Variants in CENPP observed in about 807,000 individuals in gnomAD.
CENPP encodes the protein centromere protein P.
A neutral mutation model predicts 35.6 loss-of-function variants in CENPP; 24 were observed. The ratio of observed to expected loss-of-function variants is 0.67; its 90% confidence interval spans 0.49 to 0.95. The LOEUF (loss-of-function observed/expected upper bound fraction) is 0.95. CENPP is among the 40% of genes least tolerant of loss of function. CENPP has a pLI of 0.00. For missense variants in CENPP, 332 were observed against 345.3 expected (o/e 0.96, Z 0.31); for synonymous variants, 120 against 125.5 (o/e 0.96, Z 0.29).
intron 5 of CENPP, chr9:92,386,373 ATATGAG>A: frequency 1.2e-6 from 1 of 835,456 alleles, no homozygotes. Flanking sequence ...ATATATGTGC[ATATGAG>A]TATATGTCTA....
chr9:92,390,123 G>T, intron 5 of CENPP: 1 of 918,052 alleles, frequency 1.1e-6, no homozygotes, highest in Non-Finnish European at 1.7e-6. Context: ...CTGAAGAAAA[G>T]CATTTGTTTA....
At chr9:92,340,022 A>T (rs1418957360) in intron 3 of CENPP, 2 of 153,776 alleles carry the variant, frequency 1.3e-5, no homozygotes, top group African/African-American at 4.8e-5. Context: ...GTGGAATCAT[A>T]ATCCTATGGT....
At chr9:92,538,414 C>T (rs932983262) in intron 5 of CENPP, among the ~76,000 whole-genome samples, 16 of 152,084 alleles carry the variant, frequency 1.1e-4, no homozygotes, top group East Asian at 3.8e-4. Context: ...GTAATTACAG[C>T]GAGACTTTTA....
chr9:92,419,778 C>T (rs1372083455), intron 5 of CENPP, among the ~76,000 whole-genome samples: 1 of 152,132 alleles, frequency 6.6e-6, no homozygotes, highest in Non-Finnish European at 1.5e-5. Context: ...ACTTTTCCCA[C>T]CCAGGGTTTC....
intron 4 of CENPP, among the ~76,000 whole-genome samples, chr9:92,348,822 G>C (rs1841369343): frequency 6.6e-6 from 1 of 152,090 alleles, no homozygotes; most frequent in African/African-American, 2.4e-5. Context: ...TGAGTAGACA[G>C]GTTTAAAGAT....
chr9:92,478,424 G>A (rs1259422008), intron 5 of CENPP, among the ~76,000 whole-genome samples: 2 of 152,014 alleles, frequency 1.3e-5, no homozygotes, highest in Admixed American at 6.6e-5. Flanking sequence ...TTGGTTGATT[G>A]TGCTTTTTTG....
intron 5 of CENPP, among the ~76,000 whole-genome samples, chr9:92,381,825 G>A (rs1181442284): frequency 6.6e-6 from 1 of 151,508 alleles, no homozygotes; most frequent in East Asian, 1.9e-4. Flanking sequence ...CACAGTGCTT[G>A]TACCATTTTA....
intron 5 of CENPP, among the ~76,000 whole-genome samples, chr9:92,451,696 CCATTTT>C (rs1217152806): frequency 1.3e-5 from 2 of 149,924 alleles, no homozygotes; most frequent in African/African-American, 4.9e-5. Flanking sequence ...GGCAGTATGG[CCATTTT>C]CACGATATTG....
At chr9:92,494,215 A>G (rs1846252635) in intron 5 of CENPP, 2 of 1,526,994 alleles carry the variant, frequency 1.3e-6, no homozygotes, top group Non-Finnish European at 1.8e-6. Context: ...TGTCATCCCA[A>G]GATGCTAGTT....
chr9:92,486,509 C>T (rs1019839124), intron 5 of CENPP, among the ~76,000 whole-genome samples: 1 of 152,078 alleles, frequency 6.6e-6, no homozygotes, highest in Non-Finnish European at 1.5e-5. Context: ...AAAAACTGAC[C>T]CTGATGTCCT....
Position 92,514,718 on chromosome 9 carries a change from ACAGAGAGCACCCG to A in CENPP, c.565-96594_565-96582del, listed in dbSNP as rs534479751. The A allele has an allele frequency of 1.9e-3, 3,139 of 1,614,082 alleles. 5 individuals are homozygous for A. The highest frequency in any genetic ancestry group is 2.4e-3 in the Non-Finnish European group (2,777 of 1,179,984). ...TTGATGCAGCTGATGGTCCTGTAGG[ACAGAGAGCACCCG>A]CTTGGCAGGCGCAGTGTGCCTCTGG... On this transcript the variant is annotated intron_variant, in intron 5 of 7. Coordinates refer to ENST00000375587, the MANE Select transcript of CENPP (RefSeq NM_001012267.3).
intron 5 of CENPP, chr9:92,505,596 G>A: frequency 6.2e-7 from 1 of 1,610,848 alleles, no homozygotes; most frequent in African/African-American, 1.3e-5. Flanking sequence ...GACGCAAGTA[G>A]GCTAGGCTCT....
chr9:92,404,686 G>C (rs1843256459), intron 5 of CENPP: 2 of 1,243,448 alleles, frequency 1.6e-6, no homozygotes, highest in Non-Finnish European at 2.1e-6. Context: ...TCTTTCTCTA[G>C]GGTGAAATGC....
intron 5 of CENPP, among the ~76,000 whole-genome samples, chr9:92,553,505 C>A (rs1355502154): frequency 6.6e-6 from 1 of 152,114 alleles, no homozygotes; most frequent in African/African-American, 2.4e-5. Flanking sequence ...GCAGTATGAT[C>A]ATTTCCACAA....
intron 5 of CENPP, among the ~76,000 whole-genome samples, chr9:92,381,600 G>A (rs900624671): frequency 2.6e-5 from 4 of 152,164 alleles, no homozygotes; most frequent in Non-Finnish European, 5.9e-5. Flanking sequence ...TCCATTAAAT[G>A]TATGTACATT....
At chr9:92,424,176 A>G (rs1382387850) in intron 5 of CENPP, 1 of 152,312 alleles carries the variant, frequency 6.6e-6, no homozygotes, top group Admixed American at 6.5e-5. Context: ...ATTCTTAAAA[A>G]ATTGAAAATT....
chr9:92,402,646 A>G (rs937723623), intron 5 of CENPP, among the ~76,000 whole-genome samples: 2 of 152,214 alleles, frequency 1.3e-5, no homozygotes, highest in Non-Finnish European at 2.9e-5. Context: ...AGACAGTTAC[A>G]GTTACTTGGT....
intron 5 of CENPP, among the ~76,000 whole-genome samples, chr9:92,443,816 C>A (rs141933367): frequency 6.6e-6 from 1 of 152,056 alleles, no homozygotes; most frequent in African/African-American, 2.4e-5. Context: ...CACACCACCA[C>A]GCCCAGCTAA....
intron 5 of CENPP, among the ~76,000 whole-genome samples, chr9:92,447,142 A>G (rs992823836): frequency 2.0e-5 from 3 of 152,002 alleles, no homozygotes; most frequent in East Asian, 1.9e-4. Context: ...GTGGAATACA[A>G]TTTTTCCACG....
Sources: allele counts gnomAD v4.1 joint callset (sites outside exome capture counted in the v4.1 genomes callset), GRCh38; gene constraint gnomAD v4.1.1; transcripts MANE v1.5; gene names NCBI Gene and HGNC (gene_info 2026-07-23, HGNC 2026-07-21).